The following RBFOX1 variants were observed in gnomAD, a reference collection of about 807,000 sequenced individuals.
RBFOX1 encodes the protein RNA binding fox-1 homolog 1, also known as RNA binding protein fox-1 homolog 1.
Under a neutral mutation model 57.7 loss-of-function variants are expected in RBFOX1, and 8 were observed. The observed-to-expected ratio is 0.14, with a 90% CI of 0.08 to 0.25. RBFOX1 has a LOEUF of 0.25. Among genes scored for constraint, RBFOX1 ranks in the 10% least tolerant of loss-of-function variants. The pLI, the probability that RBFOX1 is intolerant of heterozygous loss-of-function variation, is 1.00. For synonymous variants in RBFOX1, 326 were observed against 222.4 expected, an observed-to-expected ratio of 1.47 and a Z score of -4.15; for missense variants, 611 against 548.5, an observed-to-expected ratio of 1.11 and a Z score of -1.14.
chr16:5,741,029 G>A (rs1197081540), intron 3 of RBFOX1, among the ~76,000 whole-genome samples: 2 of 152,104 alleles, frequency 1.3e-5, no homozygotes, highest in South Asian at 4.1e-4. Flanking sequence ...TCTATGTCTT[G>A]GTACTATTAT....
At chr16:7,086,157 A>G (rs1599068902) in intron 4 of RBFOX1, among the ~76,000 whole-genome samples, 1 of 151,948 alleles carries the variant, frequency 6.6e-6, no homozygotes, top group Admixed American at 6.6e-5. Context: ...TTAACAGGTT[A>G]CTCGCCACCC....
chr16:6,128,759 C>T (rs1025194114), intron 1 of RBFOX1, among the ~76,000 whole-genome samples: 2 of 152,226 alleles, frequency 1.3e-5, no homozygotes, highest in African/African-American at 4.8e-5. Context: ...TCAGTTGATG[C>T]AGTGCTCTGA....
intron 3 of RBFOX1, among the ~76,000 whole-genome samples, chr16:5,653,962 A>T (rs1435771197): frequency 6.6e-6 from 1 of 152,134 alleles, no homozygotes; most frequent in African/African-American, 2.4e-5. Context: ...ATGTTCTCAG[A>T]TCCCATCTGG....
At chr16:6,428,956 T>G (rs1473399729) in intron 2 of RBFOX1, among the ~76,000 whole-genome samples, 1 of 152,156 alleles carries the variant, frequency 6.6e-6, no homozygotes, top group African/African-American at 2.4e-5. Context: ...TGAGATGTGG[T>G]TGGGTTTATG....
intron 5 of RBFOX1, among the ~76,000 whole-genome samples, chr16:7,564,899 G>T (rs2091309753): frequency 6.6e-6 from 1 of 152,202 alleles, no homozygotes; most frequent in Admixed American, 6.5e-5. Context: ...CTGGAGCAGA[G>T]CATTGAATTC....
chr16:7,020,943 A>G (rs766303192), intron 3 of RBFOX1, among the ~76,000 whole-genome samples: 12 of 152,296 alleles, frequency 7.9e-5, no homozygotes, highest in South Asian at 2.1e-4. Context: ...CATGGCCAAC[A>G]TGGTGAAATC....
intron 1 of RBFOX1, among the ~76,000 whole-genome samples, chr16:6,160,912 C>G (rs774675185): frequency 1.3e-5 from 2 of 152,188 alleles, no homozygotes; most frequent in Non-Finnish European, 2.9e-5. Flanking sequence ...TCTCCGCACA[C>G]GATCCTGCTT....
At chr16:5,778,732 G>A (rs1240788028) in intron 3 of RBFOX1, among the ~76,000 whole-genome samples, 1 of 152,072 alleles carries the variant, frequency 6.6e-6, no homozygotes, top group Admixed American at 6.5e-5. Context: ...GGGTGAATAG[G>A]AGGTGACCAG....
At chr16:6,502,031 G>T (rs938016034) in intron 2 of RBFOX1, among the ~76,000 whole-genome samples, 1 of 152,184 alleles carries the variant, frequency 6.6e-6, no homozygotes, top group African/African-American at 2.4e-5. Context: ...GCTTAGGGGG[G>T]TCATGAGGGT....
chr16:6,553,195 T>C (rs1227203871), intron 2 of RBFOX1, among the ~76,000 whole-genome samples: 1 of 152,170 alleles, frequency 6.6e-6, no homozygotes, highest in Non-Finnish European at 1.5e-5. Context: ...TTTCTGCAGC[T>C]CTTCTCACGC....
chr16:6,486,378 T>C (rs1390850164), intron 2 of RBFOX1, among the ~76,000 whole-genome samples: 1 of 152,032 alleles, frequency 6.6e-6, no homozygotes, highest in Non-Finnish European at 1.5e-5. Flanking sequence ...AGTTGTAATC[T>C]GGTGAAATGA....
At chr16:7,543,141 A>G (rs907412937) in intron 5 of RBFOX1, among the ~76,000 whole-genome samples, 1 of 152,192 alleles carries the variant, frequency 6.6e-6, no homozygotes, top group African/African-American at 2.4e-5. Context: ...ATGCATTTAA[A>G]TCACTCAGGG....
chr16:5,994,806 C>T (rs2060464184), intron 4 of RBFOX1, among the ~76,000 whole-genome samples: 1 of 152,166 alleles, frequency 6.6e-6, no homozygotes, highest in South Asian at 2.1e-4. Context: ...CTCTTTTCTT[C>T]TCCACTATAT....
Position 5,299,256 on chromosome 16 carries a change from C to T in RBFOX1, c.219+59151C>T, listed in dbSNP as rs2063748755. 2.0e-5 allele frequency among the ~76,000 whole-genome samples: 3 copies of T among 151,766 alleles called. No individual in the cohort carries two copies. The South Asian group carries it at 6.2e-4, about 32-fold the overall frequency. On this transcript the variant is annotated intron_variant, in intron 1 of 2. Transcript: ENST00000585867. The stretch of plus-strand genomic sequence containing the variant: ...AAAAATCAATCCATACTGTGTATAT[C>T]AGTGGTTCGTTCTTTTTTTTGTCAC...
chr16:7,418,780 A>ATCCCTATCTCTG (rs1555883867), intron 4 of RBFOX1, among the ~76,000 whole-genome samples: 5 of 150,944 alleles, frequency 3.3e-5, no homozygotes, highest in Non-Finnish European at 1.5e-5. Flanking sequence ...CTGTGTCTCT[A>ATCCCTATCTCTG]TCTCTGTCTT....
chr16:6,615,990 T>C (rs1011599649), intron 2 of RBFOX1, among the ~76,000 whole-genome samples: 2 of 152,200 alleles, frequency 1.3e-5, no homozygotes, highest in African/African-American at 4.8e-5. Context: ...TGCTGAACTC[T>C]GATTCTGAAT....
chr16:6,478,224 CTTTT>C (rs540210936), intron 2 of RBFOX1, among the ~76,000 whole-genome samples: 1 of 132,358 alleles, frequency 7.6e-6, no homozygotes. Flanking sequence ...CCTGTCCCAG[CTTTT>C]TTTTTTTTTT....
At chr16:6,093,660 C>T (rs567152911) in intron 1 of RBFOX1, among the ~76,000 whole-genome samples, 1 of 152,150 alleles carries the variant, frequency 6.6e-6, no homozygotes, top group East Asian at 1.9e-4. Flanking sequence ...CTCACTCTGT[C>T]ACCCAGGCTA....
At chr16:7,034,273 A>G (rs995661055) in intron 3 of RBFOX1, among the ~76,000 whole-genome samples, 2 of 152,138 alleles carry the variant, frequency 1.3e-5, no homozygotes, top group African/African-American at 4.8e-5. Flanking sequence ...AATGATAATG[A>G]CAGTATCTAC....
Sources: gnomAD v4.1 joint callset for allele counts (sites outside exome capture counted in the v4.1 genomes callset) on GRCh38, gnomAD v4.1.1 for gene constraint, MANE v1.5 for transcripts, NCBI Gene and HGNC (gene_info 2026-07-23, HGNC 2026-07-21) for gene names.